The following COL11A1 variants were observed in gnomAD, a reference collection of about 807,000 sequenced individuals.
COL11A1 encodes collagen type XI alpha 1 chain, also known as collagen alpha-1(XI) chain.
Under a neutral mutation model 265.2 loss-of-function variants are expected in COL11A1, and 74 were observed. The ratio of observed to expected loss-of-function variants is 0.28; its 90% CI spans 0.23 to 0.34. COL11A1 has a LOEUF of 0.34. Ranked by LOEUF, COL11A1 falls within the 10% of genes least tolerant of loss-of-function variation. The pLI is 1.00. For missense variants in COL11A1, 2,165 were observed against 2,263.6 expected (o/e 0.96, Z 0.88); for synonymous variants, 816 against 727.6 (o/e 1.12, Z -1.96).
chr1:103,078,600 A>G lies in COL11A1; in HGVS notation c.488+58T>C, dbSNP rs1672159510. The G allele has an allele frequency of 4.6e-6, 7 of 1,507,288 alleles. No homozygotes were observed. In the Admixed American group the frequency reaches 1.0e-4, roughly 22 times the overall value. 93.4% of individuals were successfully genotyped at this position (1,507,288 alleles called of 1,614,324 possible). The stretch of plus-strand genomic sequence containing the variant: ...ACACTTCATAAATATTTGTTAAGTG[A>G]CTGAATAAAAAAAATGATTTTGGCA... On this transcript the variant is annotated intron_variant, in intron 3 of 66. Transcript: ENST00000370096.
intron 3 of COL11A1, among the ~76,000 whole-genome samples, chr1:103,076,262 A>G (rs2102289968): frequency 6.6e-6 from 1 of 152,238 alleles, no homozygotes; most frequent in South Asian, 2.1e-4. Context: ...AAGTATAAAC[A>G]GAATCCAATA....
intron 33 of COL11A1, 36 bp downstream of exon 33, chr1:102,979,024 T>G: frequency 6.2e-7 from 1 of 1,613,214 alleles, no homozygotes; most frequent in Non-Finnish European, 8.5e-7. Context: ...AAATTCAATA[T>G]GAAAAATGTA....
chr1:103,068,051 T>C (rs1293495233), intron 4 of COL11A1, among the ~76,000 whole-genome samples: 1 of 151,592 alleles, frequency 6.6e-6, no homozygotes, highest in African/African-American at 2.4e-5. Context: ...TAAGAAAGTT[T>C]TCAGAAAATA....
At chr1:103,050,705 C>T (rs975185135) in intron 4 of COL11A1, among the ~76,000 whole-genome samples, 9 of 152,054 alleles carry the variant, frequency 5.9e-5, no homozygotes, top group African/African-American at 2.2e-4. Flanking sequence ...AGTTTTTCTG[C>T]TCTGTTTTTT....
intron 41 of COL11A1, among the ~76,000 whole-genome samples, chr1:102,961,016 G>A (rs1056857569): frequency 3.9e-5 from 6 of 152,034 alleles, no homozygotes; most frequent in African/African-American, 9.7e-5. Context: ...TGAAGAAAGC[G>A]GAAAAATTAG....
intron 28 of COL11A1, among the ~76,000 whole-genome samples, chr1:102,994,798 A>G (rs1664469608): frequency 6.6e-6 from 1 of 152,176 alleles, no homozygotes; most frequent in African/African-American, 2.4e-5. Flanking sequence ...ATTGCTATAA[A>G]GATACTACCT....
intron 44 of COL11A1, among the ~76,000 whole-genome samples, 155 bp downstream of exon 44, chr1:102,938,880 T>C (rs536237729): frequency 6.6e-6 from 1 of 152,218 alleles, no homozygotes; most frequent in African/African-American, 2.4e-5. Flanking sequence ...CACAAATATA[T>C]AAAATTATAG....
At chr1:102,987,541 C>T in intron 30 of COL11A1, 92 bp downstream of exon 30, 6 of 951,122 alleles carry the variant, frequency 6.3e-6, no homozygotes, top group Non-Finnish European at 8.6e-6. Flanking sequence ...GTAGTAAGAA[C>T]TCAATTTCTG....
At chr1:103,038,149 G>C (rs1668519165) in intron 4 of COL11A1, among the ~76,000 whole-genome samples, 1 of 152,146 alleles carries the variant, frequency 6.6e-6, no homozygotes, top group South Asian at 2.1e-4. Context: ...AACTTTTGAG[G>C]GATGAAACTG....
chr1:103,015,081 ATCT>A (rs1265678399), intron 12 of COL11A1, among the ~76,000 whole-genome samples: 1 of 152,076 alleles, frequency 6.6e-6, no homozygotes, highest in Non-Finnish European at 1.5e-5. Context: ...TATAAAACAG[ATCT>A]TCTGTAATAT....
chr1:103,041,928 T>C (rs1292791498), intron 4 of COL11A1, among the ~76,000 whole-genome samples: 5 of 152,006 alleles, frequency 3.3e-5, no homozygotes, highest in Non-Finnish European at 5.9e-5. Context: ...TGTATAACAA[T>C]ATAGGTTCGT....
intron 4 of COL11A1, among the ~76,000 whole-genome samples, chr1:103,044,044 T>C (rs1669046554): frequency 6.6e-6 from 1 of 152,022 alleles, no homozygotes; most frequent in Non-Finnish European, 1.5e-5. Context: ...AAGGCTGAAA[T>C]TAAATCTTAA....
chr1:103,084,404 T>C (rs1672692583), intron 1 of COL11A1, among the ~76,000 whole-genome samples: 1 of 152,028 alleles, frequency 6.6e-6, no homozygotes, highest in Non-Finnish European at 1.5e-5. Context: ...TGGGACTCAA[T>C]CAAAAATTTG....
At chr1:102,903,426 C>T (rs1246652845) in intron 54 of COL11A1, among the ~76,000 whole-genome samples, 2 of 151,854 alleles carry the variant, frequency 1.3e-5, no homozygotes, top group Non-Finnish European at 2.9e-5. Context: ...GTCATTGCTA[C>T]TTCCGCCATA....
chr1:103,046,258 C>T (rs1180041750), intron 4 of COL11A1, among the ~76,000 whole-genome samples: 2 of 63,148 alleles, frequency 3.2e-5, no homozygotes, highest in East Asian at 6.2e-4. Flanking sequence ...GTTCCTATTT[C>T]TCCACATCCT....
At chr1:102,946,761 G>C in intron 42 of COL11A1, 88 bp downstream of exon 42, 1 of 989,530 alleles carries the variant, frequency 1.0e-6, no homozygotes, top group Non-Finnish European at 1.6e-6. Flanking sequence ...AGAATACGGT[G>C]GTGTATGAAA....
chr1:103,069,340 G>T (rs1571207540), intron 4 of COL11A1, among the ~76,000 whole-genome samples: 1 of 151,788 alleles, frequency 6.6e-6, no homozygotes, highest in East Asian at 1.9e-4. Flanking sequence ...TGTGCTGAAT[G>T]AACTGGATAT....
intron 41 of COL11A1, among the ~76,000 whole-genome samples, chr1:102,949,709 C>A (rs557884679): frequency 6.6e-6 from 1 of 152,182 alleles, no homozygotes; most frequent in African/African-American, 2.4e-5. Context: ...TAATTCACTA[C>A]CAAGTATTTT....
intron 44 of COL11A1, among the ~76,000 whole-genome samples, chr1:102,936,510 T>C (rs531545128): frequency 6.6e-6 from 1 of 152,148 alleles, no homozygotes; most frequent in African/African-American, 2.4e-5. Flanking sequence ...ACTGACAGTA[T>C]TTACTGTCAA....
Sources: gnomAD v4.1 joint callset for allele counts (sites outside exome capture counted in the v4.1 genomes callset) on GRCh38, gnomAD v4.1.1 for gene constraint, MANE v1.5 for transcripts, NCBI Gene and HGNC (gene_info 2026-07-23, HGNC 2026-07-21) for gene names.